Variants in AGMO observed in about 807,000 individuals in gnomAD.
AGMO encodes alkylglycerol monooxygenase, also known as glyceryl-ether monooxygenase.
A neutral mutation model predicts 60.2 loss-of-function variants in AGMO; 75 were observed. That is an observed-to-expected ratio of 1.25 (90% confidence interval 1.03 to 1.51). AGMO has a LOEUF of 1.51. Among genes scored for constraint, AGMO ranks in the 40% most tolerant of loss-of-function variants. AGMO has a pLI of 0.00. For synonymous variants in AGMO, 261 were observed against 177.1 expected (o/e 1.47, Z -3.76); for missense variants, 763 against 525.5 (o/e 1.45, Z -4.42).
chr7:15,259,739 T>TTTGGG (rs915975022), intron 12 of AGMO, among the ~76,000 whole-genome samples: 3 of 151,606 alleles, frequency 2.0e-5, no homozygotes, highest in African/African-American at 7.3e-5. Context: ...CTAGAAGGGA[T>TTTGGG]TTGGGTCCTA....
chr7:15,152,848 A>G, the AGMO span, among the ~76,000 whole-genome samples: 1 of 152,112 alleles, frequency 6.6e-6, no homozygotes, highest in Non-Finnish European at 1.5e-5. Flanking sequence ...CTTTTTCTCT[A>G]GGTAGATACC....
chr7:15,247,470 A>AGAGAGAGG lies in AGMO; in HGVS notation c.1264-46112_1264-46111insCCTCTCTC, dbSNP rs1554401096. Among the ~76,000 whole-genome samples, 98 of 150,010 alleles carry AGAGAGAGG rather than the reference A, an allele frequency of 6.5e-4. 1 individual carries two copies. Among genetic ancestry groups the AGAGAGAGG allele is most frequent in the African/African-American group, 2.4e-3 (95 of 40,366 alleles). On this transcript the variant is annotated intron_variant, in intron 12 of 12. Coordinates refer to ENST00000342526, the MANE Select transcript of AGMO (RefSeq NM_001004320.2). ...CACACACACACACACAGAGAGAGAG[A>AGAGAGAGG]GAGAGAGAGGGAGAGAGAGGGAGAG...
At chr7:15,333,296 G>T (rs1781554551) in intron 12 of AGMO, among the ~76,000 whole-genome samples, 1 of 152,018 alleles carries the variant, frequency 6.6e-6, no homozygotes, top group Non-Finnish European at 1.5e-5. Context: ...ACATGAAAAA[G>T]GCTTCGTGTG....
chr7:15,271,851 G>A (rs909707319), intron 12 of AGMO, among the ~76,000 whole-genome samples: 1 of 152,042 alleles, frequency 6.6e-6, no homozygotes, highest in Non-Finnish European at 1.5e-5. Context: ...TTCAATGACT[G>A]GTTTGTGGAG....
chr7:15,268,484 C>T (rs574531309), intron 12 of AGMO, among the ~76,000 whole-genome samples: 1 of 152,008 alleles, frequency 6.6e-6, no homozygotes, highest in South Asian at 2.1e-4. Flanking sequence ...TGCATGCATT[C>T]CATATGGTCA....
At chr7:15,516,773 G>C (rs1337131440) in intron 3 of AGMO, among the ~76,000 whole-genome samples, 1 of 150,564 alleles carries the variant, frequency 6.6e-6, no homozygotes, top group Non-Finnish European at 1.5e-5. Flanking sequence ...TTTTTTTTCA[G>C]GTTTTATAAA....
intron 12 of AGMO, among the ~76,000 whole-genome samples, chr7:15,350,649 T>C (rs537593929): frequency 1.3e-5 from 2 of 152,306 alleles, no homozygotes; most frequent in South Asian, 2.1e-4. Context: ...AATTTGTTCC[T>C]AGATCTGAAC....
intron 2 of AGMO, among the ~76,000 whole-genome samples, chr7:15,553,828 G>C (rs1785048850): frequency 6.6e-6 from 1 of 151,998 alleles, no homozygotes; most frequent in South Asian, 2.1e-4. Context: ...TCCGTCAACT[G>C]ACTTATTAGG....
At chr7:15,170,085 C>A in the AGMO span, among the ~76,000 whole-genome samples, 2 of 152,164 alleles carry the variant, frequency 1.3e-5, no homozygotes, top group African/African-American at 4.8e-5. Flanking sequence ...CCCTCTTCCA[C>A]GGATATAAAC....
the AGMO span, among the ~76,000 whole-genome samples, chr7:15,192,186 C>T: frequency 6.6e-6 from 1 of 151,948 alleles, no homozygotes; most frequent in African/African-American, 2.4e-5. Context: ...GCCTGGAAAC[C>T]GTGACCCTAA....
At chr7:15,415,897 A>T (rs2128493590) in intron 5 of AGMO, among the ~76,000 whole-genome samples, 1 of 152,332 alleles carries the variant, frequency 6.6e-6, no homozygotes, top group South Asian at 2.1e-4. Context: ...TAGATCCATG[A>T]ACAATACACA....
chr7:15,396,874 T>A (rs147414387), intron 5 of AGMO, among the ~76,000 whole-genome samples: 9 of 152,196 alleles, frequency 5.9e-5, no homozygotes, highest in Non-Finnish European at 8.8e-5. Context: ...AGATACAGAG[T>A]GCTGATTAGT....
chr7:15,531,419 A>C (rs865840513), intron 3 of AGMO, among the ~76,000 whole-genome samples: 2 of 65,602 alleles, frequency 3.0e-5, no homozygotes, highest in African/African-American at 7.5e-5. Context: ...TATATATTCT[A>C]TATATATTCT....
chr7:15,366,074 T>C (rs1056968658), intron 11 of AGMO, 66 bp downstream of exon 11: 3 of 1,237,698 alleles, frequency 2.4e-6, no homozygotes, highest in Non-Finnish European at 3.5e-6. Flanking sequence ...ACTGGTATTT[T>C]ACCACTCTGT....
At chr7:15,123,452 T>C in the AGMO span, among the ~76,000 whole-genome samples, 1 of 151,880 alleles carries the variant, frequency 6.6e-6, no homozygotes, top group Non-Finnish European at 1.5e-5. Context: ...TCAATAATAT[T>C]TGCGAATGAA....
At chr7:15,455,076 C>T (rs1347905855) in intron 3 of AGMO, among the ~76,000 whole-genome samples, 1 of 118,684 alleles carries the variant, frequency 8.4e-6, no homozygotes, top group Non-Finnish European at 1.8e-5. Flanking sequence ...TTCTCTCTCT[C>T]TTTCTCACAC....
chr7:15,361,315 G>A (rs567804776), intron 12 of AGMO, among the ~76,000 whole-genome samples: 3 of 151,162 alleles, frequency 2.0e-5, no homozygotes, highest in African/African-American at 4.9e-5. Flanking sequence ...CAAGGCAGGC[G>A]GATCACCAGG....
chr7:15,151,420 G>T, the AGMO span, among the ~76,000 whole-genome samples: 4,137 of 151,952 alleles, frequency 0.027, 96 homozygotes, highest in Non-Finnish European at 0.048. Flanking sequence ...TGTTAGATTT[G>T]AGATCTTTCT....
At chr7:15,328,785 A>T (rs1276423484) in intron 12 of AGMO, among the ~76,000 whole-genome samples, 1 of 152,074 alleles carries the variant, frequency 6.6e-6, no homozygotes, top group Non-Finnish European at 1.5e-5. Flanking sequence ...GACATTGGCC[A>T]AGTCTCTCTA....
Sources: gnomAD v4.1 joint callset for allele counts (sites outside exome capture counted in the v4.1 genomes callset) on GRCh38, gnomAD v4.1.1 for gene constraint, MANE v1.5 for transcripts, NCBI Gene and HGNC (gene_info 2026-07-23, HGNC 2026-07-21) for gene names.